CXCL16: variants seen among roughly 807,000 people sequenced by gnomAD.
CXCL16 encodes C-X-C motif chemokine ligand 16.
In CXCL16, 18 loss-of-function variants were observed where a neutral mutation model predicts 23.8. The observed-to-expected ratio is 0.76, with a 90% CI of 0.52 to 1.12. The LOEUF (loss-of-function observed/expected upper bound fraction) is 1.12, where lower values mean the gene tolerates loss of function less well. Ranked by LOEUF, CXCL16 falls within the 50% of genes most tolerant of loss-of-function variation. The pLI is 0.00. For synonymous variants in CXCL16, 123 were observed against 132.5 expected, an observed-to-expected ratio of 0.93 and a Z score of 0.49; for missense variants, 297 against 315.4, an observed-to-expected ratio of 0.94 and a Z score of 0.44.
Position 4,734,588 on chromosome 17 carries a change from C to T in CXCL16, c.*18G>A. ...AAGAATAAGCCACAGTTTACCCTCA[C>T]AAGCTTCCATTCTTGGCTCAGGTAT... is the stretch of plus-strand genomic sequence containing the variant. On this transcript the variant is annotated 3_prime_UTR_variant, in exon 5 of 6. Coordinates refer to ENST00000293778, the MANE Select transcript of CXCL16 (RefSeq NM_001386809.1). 1 of 1,599,892 alleles carries T rather than the reference C, an allele frequency of 6.3e-7. No individual in the cohort carries two copies. Among genetic ancestry groups the T allele is most frequent in the Non-Finnish European group, 8.6e-7 (1 of 1,167,126 alleles).
chr17:4,734,906 C>A (rs971410343), intron 4 of CXCL16, among the ~76,000 whole-genome samples, 186 bp downstream of exon 4: 3 of 152,208 alleles, frequency 2.0e-5, no homozygotes, highest in African/African-American at 7.2e-5. Flanking sequence ...TGGTGGCTTC[C>A]TTCCCTCTCC....
rs1916297439 is a variant in CXCL16, at chr17:4,739,834, G to A, written c.-495C>T. On this transcript the variant is annotated 5_prime_UTR_variant, in exon 1 of 6. Coordinates refer to ENST00000293778, the MANE Select transcript of CXCL16 (RefSeq NM_001386809.1). This position sits in a 1 kb window ranked among gnomAD's most constrained non-coding sequence, Gnocchi z 5.3. ...CCCGATCCGGGCGCCGCGGGACCCA[G>A]CCGCGCTGCATGAGCCTCCCGGGCG... 1.0e-6 allele frequency: 1 copy of A among 991,742 alleles called. No homozygotes were observed. Among genetic ancestry groups the A allele is most frequent in the Non-Finnish European group, 1.2e-6 (1 of 833,896 alleles). The allele number at this position is 991,742 out of a possible 1,614,324, so 61.4% of individuals were successfully genotyped here. A position where few individuals can be genotyped will look rare whatever the true frequency, so the allele number is the denominator to read the frequency against.
intron 4 of CXCL16, 123 bp from the exon 5 acceptor site, chr17:4,734,775 C>A: frequency 1.2e-6 from 1 of 863,528 alleles, no homozygotes; most frequent in Non-Finnish European, 1.9e-6. Flanking sequence ...ACAGTAGGTG[C>A]TCAGTGAAAA....
rs150701696 is a variant in CXCL16 at position 4,736,925 on chromosome 17, C to G, written c.302-1417G>C. 2.7e-3 allele frequency among the ~76,000 whole-genome samples: 406 copies of G among 152,166 alleles called. 1 individual carries two copies. The highest frequency in any genetic ancestry group is 9.3e-3 in the African/African-American group (388 of 41,520). ...CCTCCGCCTCCAGGTTCAAGTGATT[C>G]TCCTGCCTCAACCTCCTGAGTAGCT... On this transcript the variant is annotated intron_variant, in intron 3 of 5. Transcript: ENST00000293778.
chr17:4,738,868 A>G lies in CXCL16; in HGVS notation c.132T>C (p.Ile44=). The G allele has an allele frequency of 6.2e-7, 1 of 1,614,064 alleles. No individual in the cohort carries two copies. The highest frequency in any genetic ancestry group is 8.5e-7 in the Non-Finnish European group (1 of 1,179,992). The change falls in exon 2 of 6, where the codon ATT becomes ATC. Residue 44 remains isoleucine, a synonymous_variant. Transcript: ENST00000293778. The surrounding 1 kb of genome is among the most constrained non-coding windows in gnomAD (Gnocchi z 4.0). ...VTGSCYCGKR[I]SSDSPPSVQF... is the part of the protein sequence containing the mutation. ...GAACCGATGGCGGGGAGTCGGAAGA[A>G]ATTCTTTTACCACAATAACAACTTC...
Position 4,735,130 on chromosome 17 carries a change from C to T in CXCL16, c.680G>A (p.Cys227Tyr), listed in dbSNP as rs1400749642. ...CGGTGACTGCCCCCTCCTCCTCTTG[C>T]ACAGCACATAGGAAAGGGCTGCGGT... ...ILTAALSYVL[C>Y]KRRRGQSPQS... The change falls in exon 4 of 6, where the codon TGC becomes TAC. Residue 227 changes from cysteine (C) to tyrosine (Y), a missense_variant. Transcript: ENST00000293778. 3.7e-6 allele frequency: 6 copies of T among 1,613,428 alleles called. No individual in the cohort carries two copies. Among genetic ancestry groups the T allele is most frequent in the African/African-American group, 1.3e-5 (1 of 75,028 alleles).
Position 4,739,849 on chromosome 17 carries a change from C to A in CXCL16, c.-510G>T, listed in dbSNP as rs1234584091. On this transcript the variant is annotated 5_prime_UTR_variant, in exon 1 of 6. Coordinates refer to ENST00000293778, the MANE Select transcript of CXCL16 (RefSeq NM_001386809.1). The surrounding 1 kb of genome is among the most constrained non-coding windows in gnomAD (Gnocchi z 5.3). Reference sequence around the variant, plus strand: ...GCGGGACCCAGCCGCGCTGCATGAGCCTCCCGGGCGGCCCGGTGGAGAGAG... The same window carrying A: ...GCGGGACCCAGCCGCGCTGCATGAGACTCCCGGGCGGCCCGGTGGAGAGAG... 2.3e-5 allele frequency: 23 copies of A among 987,922 alleles called. No individual in the cohort carries two copies. The highest frequency in any genetic ancestry group is 1.9e-5 in the Non-Finnish European group (16 of 831,622). 61.2% of individuals were successfully genotyped at this position (987,922 alleles called of 1,614,324 possible). A position where few individuals can be genotyped will look rare whatever the true frequency, so the allele number is the denominator to read the frequency against.
intron 3 of CXCL16, among the ~76,000 whole-genome samples, chr17:4,737,478 G>C (rs1186735564): frequency 6.7e-6 from 1 of 149,482 alleles, no homozygotes; most frequent in African/African-American, 2.5e-5. Flanking sequence ...TACTCGGAAG[G>C]CTGTGGCAGG....
At position 4,739,217 on chromosome 17, in the gene CXCL16, C is replaced by T. The variant is rs1916263503; in HGVS notation, c.79+44G>A. ...GTCCCCTCCCCAACTCACCCCCTTC[C>T]CGTGACAGGGGAATCTGGGTCCCCT... On this transcript the variant is annotated intron_variant, in intron 1 of 5. Coordinates refer to ENST00000293778, the MANE Select transcript of CXCL16 (RefSeq NM_001386809.1). The surrounding 1 kb of genome is among the most constrained non-coding windows in gnomAD (Gnocchi z 5.3). 2 of 1,558,614 alleles carry T rather than the reference C, an allele frequency of 1.3e-6. No homozygotes were observed. The highest frequency in any genetic ancestry group is 1.7e-6 in the Non-Finnish European group (2 of 1,149,738).
At chr17:4,737,348 CAGG>C in intron 3 of CXCL16, among the ~76,000 whole-genome samples, 1 of 150,746 alleles carries the variant, frequency 6.6e-6, no homozygotes. Flanking sequence ...GAGGCTGAGG[CAGG>C]TGGATCACCT....
chr17:4,739,823 C>A lies in CXCL16; in HGVS notation c.-484G>T. ...ACTTTCACTTCCCCGATCCGGGCGC[C>A]GCGGGACCCAGCCGCGCTGCATGAG... On this transcript the variant is annotated 5_prime_UTR_variant, in exon 1 of 6. Transcript: ENST00000293778. The surrounding 1 kb of genome is among the most constrained non-coding windows in gnomAD (Gnocchi z 5.3). 1.0e-6 allele frequency: 1 copy of A among 994,252 alleles called. No homozygotes were observed. The highest frequency in any genetic ancestry group is 1.2e-6 in the Non-Finnish European group (1 of 835,416). The allele number at this position is 994,252 out of a possible 1,614,324, so 61.6% of individuals were successfully genotyped here. A position where few individuals can be genotyped will look rare whatever the true frequency, so the allele number is the denominator to read the frequency against.
chr17:4,735,189 T>C lies in CXCL16; in HGVS notation c.621A>G (p.Pro207=), dbSNP rs1876444. 895,642 of 1,613,558 alleles carry C rather than the reference T, an allele frequency of 0.56. 250,546 individuals carry two copies. Among genetic ancestry groups the C allele is most frequent in the South Asian group, 0.62 (56,387 of 91,064 alleles). ...GPTARTSATV[P]VLCLLAIIFI... ...AGATGATGGCCAGGAGGCACAGGAC[T>C]GGCACTGTGGCTGATGTCCTGGCTG... Residue 207 remains proline, a synonymous_variant, in exon 4 of 6, where the codon CCA becomes CCG. Transcript: ENST00000293778.
In CXCL16 at chr17:4,739,334, T is replaced by C. The variant is rs538625577; in HGVS notation, c.6A>G (p.Gly2=). M[G]RDLRPGSRVL... ...CGCGGGACCCGGGCCGCAAGTCCCG[T>C]CCCATCTCGGGGCTCCGCGGACTCT... Residue 2 remains glycine (G), a synonymous_variant, in exon 1 of 6, where the codon GGA becomes GGG. Coordinates refer to ENST00000293778, the MANE Select transcript of CXCL16 (RefSeq NM_001386809.1). The surrounding 1 kb of genome is among the most constrained non-coding windows in gnomAD (Gnocchi z 5.3). 3.7e-6 allele frequency: 6 copies of C among 1,612,948 alleles called. No individual in the cohort carries two copies. The African/African-American group carries it at 6.7e-5, about 18-fold the overall frequency.
intron 5 of CXCL16, 46 bp downstream of exon 5, chr17:4,734,537 T>C: frequency 1.6e-6 from 2 of 1,276,420 alleles, no homozygotes; most frequent in East Asian, 2.3e-5. Flanking sequence ...TTGTCAGGGG[T>C]CAGTCTCCTT....
Position 4,738,638 on chromosome 17 carries a change from G to A in CXCL16, c.218+144C>T, listed in dbSNP as rs1916237001. 1.9e-6 allele frequency: 2 copies of A among 1,042,670 alleles called. No homozygotes were observed. Among genetic ancestry groups the A allele is most frequent in the Admixed American group, 2.7e-5 (1 of 37,388 alleles). The allele number at this position is 1,042,670 out of a possible 1,614,324, so 64.6% of individuals were successfully genotyped here. ...CCAGTAGGTGAGACGGAGTCATGAA[G>A]TTTCGGGGAATGAGAGCAAACGGAA... On this transcript the variant is annotated intron_variant, in intron 2 of 5. Transcript: ENST00000293778. The surrounding 1 kb of genome is among the most constrained non-coding windows in gnomAD (Gnocchi z 4.0).
In CXCL16 at chr17:4,737,903, G is replaced by A. The variant is rs188363766; in HGVS notation, c.301+505C>T. Among the ~76,000 whole-genome samples, 254 of 151,148 alleles carry A rather than the reference G, an allele frequency of 1.7e-3. 7 individuals are homozygous for A. Among genetic ancestry groups the A allele is most frequent in the African/African-American group, 5.4e-3 (221 of 41,122 alleles). On this transcript the variant is annotated intron_variant, in intron 3 of 5. Coordinates refer to ENST00000293778, the MANE Select transcript of CXCL16 (RefSeq NM_001386809.1). ...TCCTAGCACTTTTGGAGGCCGAGGC[G>A]GGTGGATCACAAGGCCAGGAGTTCG...
At position 4,739,905 on chromosome 17, in the gene CXCL16, G is replaced by T; in HGVS notation, c.-566C>A. The T allele has an allele frequency of 7.1e-6, 7 of 985,400 alleles. No individual in the cohort carries two copies. The highest frequency in any genetic ancestry group is 7.2e-6 in the Non-Finnish European group (6 of 830,050). 61.0% of individuals were successfully genotyped at this position (985,400 alleles called of 1,614,324 possible). On this transcript the variant is annotated 5_prime_UTR_variant, in exon 1 of 6. Transcript: ENST00000293778. This position sits in a 1 kb window ranked among gnomAD's most constrained non-coding sequence, Gnocchi z 5.3. The stretch of plus-strand genomic sequence containing the variant: ...GCCAGCCCCGGCCGCGCGCACCTGC[G>T]GGGCAGCCACCCGCGGACGCACCGA...
At chr17:4,736,847 T>C (rs943376748) in intron 3 of CXCL16, among the ~76,000 whole-genome samples, 2 of 152,016 alleles carry the variant, frequency 1.3e-5, no homozygotes, top group African/African-American at 2.4e-5. Context: ...TTTTCTTTCT[T>C]TTTTTTTGTT....
At chr17:4,736,974 T>G (rs1281773799) in intron 3 of CXCL16, among the ~76,000 whole-genome samples, 1 of 152,010 alleles carries the variant, frequency 6.6e-6, no homozygotes, top group Non-Finnish European at 1.5e-5. Flanking sequence ...CATGCCACCA[T>G]GCCTGGCTAA....
Sources: gnomAD v4.1 joint callset for allele counts (sites outside exome capture counted in the v4.1 genomes callset) on GRCh38, gnomAD v4.1.1 for gene constraint, Gnocchi (gnomAD v3.1) non-coding constraint, MANE v1.5 for transcripts, NCBI Gene and HGNC (gene_info 2026-07-23, HGNC 2026-07-21) for gene names.